The following SOX5 variants were observed in gnomAD, a reference collection of about 807,000 sequenced individuals.
SOX5 encodes SRY-box transcription factor 5.
A neutral mutation model predicts 92.0 loss-of-function variants in SOX5; 9 were observed. The ratio of observed to expected loss-of-function variants is 0.10; its 90% CI spans 0.06 to 0.17. The LOEUF is 0.17. SOX5 is among the 10% of genes least tolerant of loss of function. The pLI, the probability that SOX5 is intolerant of heterozygous loss-of-function variation, is 1.00. For synonymous variants in SOX5, 344 were observed against 336.3 expected (o/e 1.02, Z -0.25); for missense variants, 642 against 944.5 (o/e 0.68, Z 4.20).
At chr12:24,479,322 C>T (rs1202888130) in intron 1 of SOX5, among the ~76,000 whole-genome samples, 1 of 152,120 alleles carries the variant, frequency 6.6e-6, no homozygotes, top group Non-Finnish European at 1.5e-5. Context: ...TTTTCTACTC[C>T]GCGTATTTGT....
At chr12:24,212,564 C>A in intron 4 of SOX5, 1 of 508,500 alleles carries the variant, frequency 2.0e-6, no homozygotes, top group Admixed American at 2.2e-5. Flanking sequence ...CATAACTAAG[C>A]AATAATAGTG....
chr12:24,390,076 G>C (rs1430852472), intron 1 of SOX5, among the ~76,000 whole-genome samples: 3 of 152,002 alleles, frequency 2.0e-5, no homozygotes, highest in African/African-American at 4.8e-5. Context: ...TTTTTTGAAG[G>C]CTGTTTTGAA....
chr12:24,368,399 T>C (rs1956378372), intron 2 of SOX5: 1 of 152,216 alleles, frequency 6.6e-6, no homozygotes, highest in African/African-American at 2.4e-5. Context: ...AGAAACCATC[T>C]CCAAATTACC....
intron 4 of SOX5, among the ~76,000 whole-genome samples, chr12:24,151,657 G>A (rs377636638): frequency 6.6e-6 from 1 of 151,906 alleles, no homozygotes; most frequent in Non-Finnish European, 1.5e-5. Context: ...GTGTTTGAAA[G>A]GCAACTCCTT....
chr12:24,055,255 G>A (rs1339370305), intron 4 of SOX5, among the ~76,000 whole-genome samples: 1 of 152,126 alleles, frequency 6.6e-6, no homozygotes, highest in Non-Finnish European at 1.5e-5. Flanking sequence ...ACTCCTTCAA[G>A]GAAGAGGGAC....
chr12:23,686,045 C>T (rs1593274745), intron 6 of SOX5, among the ~76,000 whole-genome samples: 1 of 152,086 alleles, frequency 6.6e-6, no homozygotes, highest in South Asian at 2.1e-4. Context: ...AATTCATTTA[C>T]CATATTGTAT....
intron 3 of SOX5, among the ~76,000 whole-genome samples, chr12:24,236,535 T>C (rs1187936106): frequency 1.3e-5 from 2 of 152,180 alleles, no homozygotes; most frequent in Non-Finnish European, 2.9e-5. Context: ...TTCACTGCAA[T>C]TGCCACCACA....
intron 1 of SOX5, among the ~76,000 whole-genome samples, chr12:23,914,789 A>T (rs902909877): frequency 2.0e-5 from 3 of 152,102 alleles, no homozygotes; most frequent in African/African-American, 7.2e-5. Flanking sequence ...TGTACTTGAA[A>T]ATTCTAGATG....
At chr12:23,875,954 T>C (rs2096922633) in intron 2 of SOX5, among the ~76,000 whole-genome samples, 1 of 152,210 alleles carries the variant, frequency 6.6e-6, no homozygotes, top group Non-Finnish European at 1.5e-5. Context: ...CAGCTATAGA[T>C]ACTAAGTAAA....
chr12:23,825,578 G>A (rs1299645712), intron 3 of SOX5, among the ~76,000 whole-genome samples: 1 of 152,170 alleles, frequency 6.6e-6, no homozygotes, highest in African/African-American at 2.4e-5. Context: ...TTGTATGCGT[G>A]TATTTATTCA....
rs181624399 is a variant in SOX5 at position 24,284,895 on chromosome 12, C to T, written c.-173-7583G>A. 1.0e-3 allele frequency among the ~76,000 whole-genome samples: 155 copies of T among 152,298 alleles called. No individual in the cohort carries two copies. In the Middle Eastern group the frequency reaches 0.01, roughly 10 times the overall value. On this transcript the variant is annotated intron_variant, in intron 2 of 4. Transcript: ENST00000446891. ...ATCCCAGCACTTCGGGACGCTCAGT[C>T]GGGTGGATCACCTGAGGTCAGGAGT...
At chr12:24,515,589 C>T (rs1566362761) in intron 1 of SOX5, among the ~76,000 whole-genome samples, 1 of 152,132 alleles carries the variant, frequency 6.6e-6, no homozygotes, top group Non-Finnish European at 1.5e-5. Flanking sequence ...CTACCAAAAA[C>T]CAAGAAACCA....
chr12:24,391,130 G>A (rs573031467), intron 1 of SOX5, among the ~76,000 whole-genome samples: 2 of 152,122 alleles, frequency 1.3e-5, no homozygotes, highest in Non-Finnish European at 2.9e-5. Flanking sequence ...ACTGGTGTGA[G>A]ATGGTATCTC....
chr12:24,045,988 C>CGTCTGTGTTGCCA (rs1281987174), intron 4 of SOX5, among the ~76,000 whole-genome samples: 1 of 152,158 alleles, frequency 6.6e-6, no homozygotes, highest in Non-Finnish European at 1.5e-5. Context: ...CTATCCCAAG[C>CGTCTGTGTTGCCA]GTCTGTGTTG....
At chr12:23,783,220 A>G (rs2141818367) in intron 3 of SOX5, among the ~76,000 whole-genome samples, 1 of 152,314 alleles carries the variant, frequency 6.6e-6, no homozygotes, top group African/African-American at 2.4e-5. Flanking sequence ...TTGCTATTCA[A>G]TGTATCTCCA....
chr12:23,766,125 T>C (rs930455277), intron 3 of SOX5, among the ~76,000 whole-genome samples: 1 of 152,194 alleles, frequency 6.6e-6, no homozygotes, highest in African/African-American at 2.4e-5. Flanking sequence ...AATGCTACTA[T>C]AGCAGTATTC....
At chr12:23,750,612 A>T (rs913564320) in intron 4 of SOX5, among the ~76,000 whole-genome samples, 3 of 151,864 alleles carry the variant, frequency 2.0e-5, no homozygotes, top group African/African-American at 7.2e-5. Context: ...TAATTTTAGA[A>T]TCTTTATGCT....
At chr12:24,458,766 T>C (rs1352130337) in intron 1 of SOX5, among the ~76,000 whole-genome samples, 4 of 152,284 alleles carry the variant, frequency 2.6e-5, no homozygotes, top group South Asian at 2.1e-4. Flanking sequence ...GGGTGATTCA[T>C]ATGCACATTA....
chr12:23,841,698 C>A (rs909138024), intron 3 of SOX5, among the ~76,000 whole-genome samples: 5 of 151,918 alleles, frequency 3.3e-5, no homozygotes, highest in African/African-American at 1.2e-4. Context: ...CTGAAAAAGC[C>A]CCATGCTGTA....
Sources: gnomAD v4.1 joint callset for allele counts (sites outside exome capture counted in the v4.1 genomes callset) on GRCh38, gnomAD v4.1.1 for gene constraint, MANE v1.5 for transcripts, NCBI Gene and HGNC (gene_info 2026-07-23, HGNC 2026-07-21) for gene names.